Variants in SHROOM3 observed in about 807,000 individuals in gnomAD.
The protein encoded by SHROOM3 is shroom family member 3.
In SHROOM3, 47 loss-of-function variants were observed where a neutral mutation model predicts 138.6. The observed-to-expected ratio is 0.34, with a 90% confidence interval of 0.27 to 0.43. The LOEUF (loss-of-function observed/expected upper bound fraction) is 0.43, where lower values mean the gene tolerates loss of function less well. SHROOM3 is among the 20% of genes least tolerant of loss of function. SHROOM3 has a pLI of 1.00. For missense variants in SHROOM3, 2,491 were observed against 2,596.5 expected (o/e 0.96, Z 0.88); for synonymous variants, 1,062 against 1,063.3 (o/e 1.00, Z 0.02).
intron 1 of SHROOM3, among the ~76,000 whole-genome samples, chr4:76,465,018 G>A (rs1166170949): frequency 6.6e-6 from 1 of 152,182 alleles, no homozygotes. Context: ...CCCCAGTGGT[G>A]TTTTGAGTGC....
intron 10 of SHROOM3, among the ~76,000 whole-genome samples, chr4:76,777,263 A>G (rs538365040): frequency 1.3e-5 from 2 of 152,134 alleles, no homozygotes; most frequent in Non-Finnish European, 2.9e-5. Context: ...TGTGTCATCT[A>G]TGATTTCTTT....
chr4:76,569,843 C>T (rs1330557953), intron 2 of SHROOM3, among the ~76,000 whole-genome samples: 1 of 152,108 alleles, frequency 6.6e-6, no homozygotes, highest in East Asian at 1.9e-4. Flanking sequence ...GATGCCAACA[C>T]CCACTGAAAC....
intron 2 of SHROOM3, among the ~76,000 whole-genome samples, chr4:76,603,343 G>A (rs1293213083): frequency 1.3e-5 from 2 of 152,076 alleles, no homozygotes; most frequent in South Asian, 2.1e-4. Flanking sequence ...ACTTGAACCC[G>A]GGAGGTGGAG....
At chr4:76,477,823 G>A (rs939783671) in intron 1 of SHROOM3, among the ~76,000 whole-genome samples, 3 of 152,174 alleles carry the variant, frequency 2.0e-5, no homozygotes, top group African/African-American at 2.4e-5. Flanking sequence ...AGCCCATGGA[G>A]GGTGAGCAGA....
Position 76,749,041 on chromosome 4 carries a change from G to A in SHROOM3, c.3778G>A (p.Gly1260Ser), listed in dbSNP as rs201886521. The A allele has an allele frequency of 5.6e-4, 902 of 1,613,866 alleles. 4 individuals are homozygous for A. Among genetic ancestry groups the A allele is most frequent in the Non-Finnish European group, 7.6e-5 (90 of 1,179,962 alleles). ...RQDVLLGQDS[G>S]FGLVKDPCYL... ...GGATGTGCTTTTGGGGCAAGACAGT[G>A]GCTTTGGTCTTGTGAAGGATCCATG... The change falls in exon 6 of 11, where the codon GGC becomes AGC. Residue 1260 changes from glycine to serine, a missense_variant. By Grantham distance (56) the Gly-to-Ser change is moderately conservative. Around this residue, in one of 4 missense-constraint regions of SHROOM3, gnomAD observed 1,733 missense variants for 1,661.6 expected, o/e 1.04. Transcript: ENST00000296043.
chr4:76,555,829 C>A, intron 2 of SHROOM3, 66 bp downstream of exon 2: 1 of 1,563,338 alleles, frequency 6.4e-7, no homozygotes. Flanking sequence ...TACCCTACCC[C>A]ACCTCTGGGA....
intron 1 of SHROOM3, among the ~76,000 whole-genome samples, chr4:76,441,095 T>TTTTTTG (rs1310584362): frequency 3.0e-5 from 4 of 132,386 alleles, no homozygotes; most frequent in Non-Finnish European, 6.5e-5. Flanking sequence ...TGTTTTTTTT[T>TTTTTTG]TTTTTTTTTT....
At chr4:76,443,582 C>T (rs958936959) in intron 1 of SHROOM3, among the ~76,000 whole-genome samples, 1 of 152,188 alleles carries the variant, frequency 6.6e-6, no homozygotes, top group African/African-American at 2.4e-5. Context: ...TGGTTCATCC[C>T]AGGAGTCCAT....
intron 4 of SHROOM3, among the ~76,000 whole-genome samples, chr4:76,734,770 C>T (rs1282421131): frequency 3.9e-5 from 6 of 152,098 alleles, no homozygotes; most frequent in Admixed American, 1.3e-4. Context: ...ATTTTATGTT[C>T]ACTTCAGTTC....
chr4:76,691,339 A>G (rs1227450614), intron 2 of SHROOM3, among the ~76,000 whole-genome samples: 4 of 152,166 alleles, frequency 2.6e-5, no homozygotes, highest in African/African-American at 9.7e-5. Flanking sequence ...CTGAACCTCA[A>G]AATTGAGGAA....
chr4:76,583,259 A>G (rs1450633834), intron 2 of SHROOM3, among the ~76,000 whole-genome samples: 1 of 152,176 alleles, frequency 6.6e-6, no homozygotes, highest in Non-Finnish European at 1.5e-5. Context: ...GGACGGCATC[A>G]TCTCCAGACT....
At chr4:76,534,057 CG>C (rs1035173010) in intron 1 of SHROOM3, among the ~76,000 whole-genome samples, 1 of 152,060 alleles carries the variant, frequency 6.6e-6, no homozygotes, top group Non-Finnish European at 1.5e-5. Context: ...TTCAGAGACT[CG>C]GGGGTCCAAT....
rs544034038 is a variant in SHROOM3 at position 76,567,342 on chromosome 4, C to T, written c.323+11579C>T. The stretch of plus-strand genomic sequence containing the variant: ...TTGAGGTCAGGAGTTCGAGACCAGC[C>T]TGGCCAACATGGTGAAACCCCGTCT... On this transcript the variant is annotated intron_variant, in intron 2 of 10. Coordinates refer to ENST00000296043, the MANE Select transcript of SHROOM3 (RefSeq NM_020859.4). Among the ~76,000 whole-genome samples, 4 of 152,270 alleles carry T rather than the reference C, an allele frequency of 2.6e-5. No homozygotes were observed. The South Asian group carries it at 8.3e-4, about 32-fold the overall frequency.
chr4:76,633,198 C>A (rs1222747581), intron 2 of SHROOM3, among the ~76,000 whole-genome samples: 1 of 151,492 alleles, frequency 6.6e-6, no homozygotes, highest in African/African-American at 2.4e-5. Context: ...TGGTGAGTCT[C>A]TATGTGGTGG....
chr4:76,497,838 A>G (rs1382785423), intron 1 of SHROOM3, among the ~76,000 whole-genome samples: 2 of 152,224 alleles, frequency 1.3e-5, no homozygotes, highest in Non-Finnish European at 2.9e-5. Flanking sequence ...AGCGTGGGCA[A>G]CAGAGCAAGA....
chr4:76,466,241 T>A (rs1485936625), intron 1 of SHROOM3, among the ~76,000 whole-genome samples: 3 of 152,216 alleles, frequency 2.0e-5, no homozygotes, highest in Admixed American at 6.5e-5. Flanking sequence ...GGGGTCAGAC[T>A]CTTGTCTGAC....
chr4:76,506,667 A>G (rs1732217855), intron 1 of SHROOM3, among the ~76,000 whole-genome samples: 2 of 152,224 alleles, frequency 1.3e-5, no homozygotes, highest in African/African-American at 4.8e-5. Context: ...CAGAGTGGCT[A>G]CAGATACTAG....
intron 2 of SHROOM3, among the ~76,000 whole-genome samples, chr4:76,631,984 A>C (rs965020158): frequency 6.6e-6 from 1 of 152,134 alleles, no homozygotes; most frequent in Non-Finnish European, 1.5e-5. Flanking sequence ...TAAAAGGATT[A>C]AGGGAAGAAA....
intron 1 of SHROOM3, among the ~76,000 whole-genome samples, chr4:76,548,233 C>A (rs1275387258): frequency 6.9e-6 from 1 of 145,580 alleles, no homozygotes; most frequent in Non-Finnish European, 1.5e-5. Context: ...ATTGAGTGAT[C>A]CAGTGGAGAA....
Sources: allele counts gnomAD v4.1 joint callset (sites outside exome capture counted in the v4.1 genomes callset), GRCh38; gene constraint gnomAD v4.1.1; regional missense constraint gnomAD v4.1.1; transcripts MANE v1.5; gene names NCBI Gene and HGNC (gene_info 2026-07-23, HGNC 2026-07-21).